The following IGF1R variants were observed in gnomAD, a reference collection of about 807,000 sequenced individuals.
The protein encoded by IGF1R is insulin like growth factor 1 receptor.
IGF1R carries 44 observed loss-of-function variants against 144.6 expected under a neutral mutation model. That is an observed-to-expected ratio of 0.30 (90% CI 0.24 to 0.39). The LOEUF is 0.39. IGF1R is among the 10% of genes least tolerant of loss of function. The probability of loss-of-function intolerance (pLI) is 1.00; values close to 1 mark genes in which losing one functional copy is unlikely to be tolerated. For missense variants in IGF1R, 1,355 were observed against 1,833.7 expected, an observed-to-expected ratio of 0.74 and a Z score of 4.77; for synonymous variants, 795 against 722.8, an observed-to-expected ratio of 1.10 and a Z score of -1.60.
chr15:98,947,535 T>C (rs995718252), intron 19 of IGF1R, among the ~76,000 whole-genome samples: 2 of 152,126 alleles, frequency 1.3e-5, no homozygotes, highest in African/African-American at 4.8e-5. Context: ...GTGAACCACA[T>C]GGAAAGGCAC....
In IGF1R at chr15:98,891,360, G is replaced by A. The variant is rs752189789; in HGVS notation, c.676G>A (p.Glu226Lys). The change falls in exon 3 of 21, where the codon GAG (glutamate) becomes AAG (lysine). Residue 226 changes from glutamate (E) to lysine (K), a missense_variant. Physicochemically the swap from Glu to Lys is moderately conservative, Grantham distance 56. Around this residue, in one of 7 missense-constraint regions of IGF1R, gnomAD observed 880 missense variants for 1,202.7 expected, o/e 0.73. Coordinates refer to ENST00000650285, the MANE Select transcript of IGF1R (RefSeq NM_000875.5). This position sits in a 1 kb window ranked among gnomAD's most constrained non-coding sequence, Gnocchi z 4.7. ...PSTCGKRACT[E>K]NNECCHPECL... ...CACGTGTGGGAAGCGGGCGTGCACC[G>A]AGAACAATGAGTGCTGCCACCCCGA... 1.4e-5 allele frequency: 22 copies of A among 1,608,800 alleles called. No homozygotes were observed. Among genetic ancestry groups the A allele is most frequent in the East Asian group, 8.9e-5 (4 of 44,880 alleles).
chr15:98,678,705 G>A (rs1319971129), intron 1 of IGF1R, among the ~76,000 whole-genome samples: 1 of 151,704 alleles, frequency 6.6e-6, no homozygotes, highest in Admixed American at 6.6e-5. Context: ...TGTAGTTTTT[G>A]TAGAGATGGG....
At chr15:98,851,265 C>T (rs1377964667) in intron 2 of IGF1R, among the ~76,000 whole-genome samples, 5 of 152,060 alleles carry the variant, frequency 3.3e-5, no homozygotes, top group Non-Finnish European at 1.5e-5. Flanking sequence ...CGGGGTGGGG[C>T]CAGATGCTGG....
In IGF1R at chr15:98,823,697, C is replaced by T. The variant is rs547316639; in HGVS notation, c.641-67628C>T. ...GGTGTCAGAGCCATGATTTTAAGCT[C>T]CTGTTAAATTCACAGTGCTTAGTAA... On this transcript the variant is annotated intron_variant, in intron 2 of 20. Coordinates refer to ENST00000650285, the MANE Select transcript of IGF1R (RefSeq NM_000875.5). Among the ~76,000 whole-genome samples, 206 of 152,272 alleles carry T rather than the reference C, an allele frequency of 1.4e-3. 1 individual carries two copies. The highest frequency in any genetic ancestry group is 0.01 in the Middle Eastern group (3 of 294).
intron 2 of IGF1R, among the ~76,000 whole-genome samples, chr15:98,768,993 A>G (rs1375754576): frequency 3.3e-5 from 5 of 152,202 alleles, no homozygotes; most frequent in African/African-American, 7.2e-5. Flanking sequence ...GAGCTTCCAT[A>G]TTAATAAATC....
At chr15:98,765,485 C>A (rs1449781879) in intron 2 of IGF1R, among the ~76,000 whole-genome samples, 1 of 151,308 alleles carries the variant, frequency 6.6e-6, no homozygotes, top group African/African-American at 2.4e-5. Context: ...ATTTTTTTTT[C>A]TTTTCTCTTT....
At chr15:98,852,902 A>T (rs2011600738) in intron 2 of IGF1R, among the ~76,000 whole-genome samples, 2 of 152,198 alleles carry the variant, frequency 1.3e-5, no homozygotes, top group African/African-American at 2.4e-5. Flanking sequence ...TGGTGAGCAC[A>T]GCATACTGTT....
chr15:98,716,118 C>G (rs2054109061), intron 2 of IGF1R, among the ~76,000 whole-genome samples: 1 of 152,150 alleles, frequency 6.6e-6, no homozygotes, highest in Non-Finnish European at 1.5e-5. Context: ...AGTGCCTTTC[C>G]TAGGGACGGT....
At chr15:98,916,534 T>G in intron 9 of IGF1R, 138 bp from the exon 10 acceptor site, 1 of 824,910 alleles carries the variant, frequency 1.2e-6, no homozygotes. Flanking sequence ...AGTGCTGGGA[T>G]TATAGCCTTG....
At chr15:98,918,988 T>C (rs2015372261) in intron 10 of IGF1R, among the ~76,000 whole-genome samples, 1 of 152,192 alleles carries the variant, frequency 6.6e-6, no homozygotes, top group Admixed American at 6.5e-5. Context: ...GGCAGGGCTT[T>C]GAATGTGAAC....
At chr15:98,749,129 G>C (rs578229941) in intron 2 of IGF1R, among the ~76,000 whole-genome samples, 2 of 150,714 alleles carry the variant, frequency 1.3e-5, no homozygotes, top group East Asian at 3.9e-4. Context: ...ATTTCATTTA[G>C]GTAGGCTTAG....
intron 18 of IGF1R, 123 bp downstream of exon 18, chr15:98,939,483 T>C (rs1200237591): frequency 2.2e-6 from 2 of 907,784 alleles, no homozygotes; most frequent in East Asian, 2.4e-5. Flanking sequence ...GGACTCCTTC[T>C]TGGGAATGAT....
intron 2 of IGF1R, among the ~76,000 whole-genome samples, chr15:98,881,475 A>G (rs949163343): frequency 4.6e-5 from 7 of 152,166 alleles, no homozygotes; most frequent in Non-Finnish European, 8.8e-5. Context: ...TGTGCCCACC[A>G]CCACACCTAG....
intron 2 of IGF1R, among the ~76,000 whole-genome samples, chr15:98,725,244 A>C (rs1406401553): frequency 1.3e-5 from 2 of 152,216 alleles, no homozygotes; most frequent in East Asian, 1.9e-4. Context: ...GTAGCATCTT[A>C]TTAGGTCAGA....
At chr15:98,766,203 C>A (rs911977880) in intron 2 of IGF1R, among the ~76,000 whole-genome samples, 1 of 152,158 alleles carries the variant, frequency 6.6e-6, no homozygotes, top group African/African-American at 2.4e-5. Context: ...CAGAATTCCC[C>A]TAATTCACGA....
intron 18 of IGF1R, among the ~76,000 whole-genome samples, 171 bp downstream of exon 18, chr15:98,939,531 G>T (rs1400514695): frequency 6.6e-6 from 1 of 152,184 alleles, no homozygotes; most frequent in Admixed American, 6.5e-5. Flanking sequence ...ACCTGGCACG[G>T]TCGGTCCCAA....
chr15:98,692,546 A>G (rs2053501754), intron 1 of IGF1R, among the ~76,000 whole-genome samples: 1 of 152,222 alleles, frequency 6.6e-6, no homozygotes, highest in South Asian at 2.1e-4. Context: ...TCTAATTGTC[A>G]GAAGTGTATT....
chr15:98,796,149 C>G (rs997965691), intron 2 of IGF1R, among the ~76,000 whole-genome samples: 2 of 125,814 alleles, frequency 1.6e-5, no homozygotes, highest in South Asian at 6.0e-4. Context: ...GTGTCACAGG[C>G]TGTGTGGGCC....
In IGF1R at chr15:98,869,295, A is replaced by AAAAAC. The variant is rs1555454923; in HGVS notation, c.641-22027_641-22026insACAAA. On this transcript the variant is annotated intron_variant, in intron 2 of 20. Coordinates refer to ENST00000650285, the MANE Select transcript of IGF1R (RefSeq NM_000875.5). ...ATTTCGAGACAGCTTTCAATTAAAAAAAACAAACAACAACAACAACAAAAA... is the reference window on the plus strand; with the variant it reads ...ATTTCGAGACAGCTTTCAATTAAAAAAAAACAAACAAACAACAACAACAACAAAAA... Among the ~76,000 whole-genome samples, 125 of 123,728 alleles carry AAAAAC rather than the reference A, an allele frequency of 1.0e-3. No individual in the cohort carries two copies. In the East Asian group the frequency reaches 0.025, roughly 25 times the overall value. 81.2% of individuals were successfully genotyped at this position (123,728 alleles called of 152,430 possible).
Sources: allele counts gnomAD v4.1 joint callset (sites outside exome capture counted in the v4.1 genomes callset), GRCh38; gene constraint gnomAD v4.1.1; regional missense constraint gnomAD v4.1.1; non-coding constraint Gnocchi (gnomAD v3.1); transcripts MANE v1.5; gene names NCBI Gene and HGNC (gene_info 2026-07-23, HGNC 2026-07-21).